The following PPP1R18 variants were observed in gnomAD, a reference collection of about 807,000 sequenced individuals.
The protein encoded by PPP1R18 is phostensin.
A neutral mutation model predicts 54.8 loss-of-function variants in PPP1R18; 31 were observed. The ratio of observed to expected loss-of-function variants is 0.57; its 90% confidence interval spans 0.43 to 0.76. The LOEUF is 0.76. Among genes scored for constraint, PPP1R18 ranks in the 30% least tolerant of loss-of-function variants. The probability of loss-of-function intolerance (pLI) is 0.00; values close to 1 mark genes in which losing one functional copy is unlikely to be tolerated. For synonymous variants in PPP1R18, 310 were observed against 320.2 expected (o/e 0.97, Z 0.34); for missense variants, 685 against 776.1 (o/e 0.88, Z 1.39).
intron 1 of PPP1R18, among the ~76,000 whole-genome samples, chr6:30,679,876 T>C (rs1770440779): frequency 6.6e-6 from 1 of 151,304 alleles, no homozygotes; most frequent in Non-Finnish European, 1.5e-5. Flanking sequence ...GGGGAGCGAG[T>C]CTCAGACAAA....
chr6:30,685,967 C>T lies in PPP1R18; in HGVS notation c.52G>A (p.Glu18Lys), dbSNP rs1263139967. Residue 18 changes from glutamate to lysine, a missense_variant, in exon 1 of 3, where the codon GAG becomes AAG. Physicochemically the swap from Glu to Lys is moderately conservative, Grantham distance 56 (BLOSUM62 1). Transcript: ENST00000274853. This position sits in a 1 kb window ranked among gnomAD's most constrained non-coding sequence, Gnocchi z 5.0. Reference protein sequence around the residue: ...KLQLLARRRQEEASVRGREKA... With the variant: ...KLQLLARRRQKEASVRGREKA... ...TCTCGGCCTCGAACGGACGCCTCCT[C>T]CTGCCGGCGCCGGGCTAGCAGCTGT... 1 of 1,598,430 alleles carries T rather than the reference C, an allele frequency of 6.3e-7. No individual in the cohort carries two copies. The highest frequency in any genetic ancestry group is 8.5e-7 in the Non-Finnish European group (1 of 1,176,956).
intron 1 of PPP1R18, among the ~76,000 whole-genome samples, chr6:30,680,094 G>A (rs1285397678): frequency 6.6e-6 from 1 of 152,178 alleles, no homozygotes; most frequent in Non-Finnish European, 1.5e-5. Flanking sequence ...CTGACACCCT[G>A]AAGGCTGGGG....
rs576997423 is a variant in PPP1R18 at position 30,683,053 on chromosome 6, G to A, written c.1611+1355C>T. On this transcript the variant is annotated intron_variant, in intron 1 of 2. Coordinates refer to ENST00000274853, the MANE Select transcript of PPP1R18 (RefSeq NM_133471.4). The surrounding 1 kb of genome is among the most constrained non-coding windows in gnomAD (Gnocchi z 5.1). ...GTAGGTTCCCAAGAACCATGGCTTA[G>A]AGGTGGGAGCTTACGCTTCATGTGA... 3.3e-5 allele frequency among the ~76,000 whole-genome samples: 5 copies of A among 152,336 alleles called. No individual in the cohort carries two copies. Among genetic ancestry groups the A allele is most frequent in the Non-Finnish European group, 5.9e-5 (4 of 68,028 alleles).
Position 30,677,351 on chromosome 6 carries a change from T to TC in PPP1R18, c.1823-64dup, listed in dbSNP as rs3214090. 6.2e-5 allele frequency: 87 copies of TC among 1,399,804 alleles called. 1 individual carries two copies. Among genetic ancestry groups the TC allele is most frequent in the African/African-American group, 1.9e-4 (13 of 67,060 alleles). The allele number at this position is 1,399,804 out of a possible 1,614,324, so 86.7% of individuals were successfully genotyped here. The stretch of plus-strand genomic sequence containing the variant: ...AGAGCCTCTGCCTTCTGCCCACCCT[T>TC]CCCCCCCACACAAATTGAAGGGCAG... On this transcript the variant is annotated intron_variant, in intron 2 of 2. Transcript: ENST00000274853.
rs751965710 is a variant in PPP1R18, at chr6:30,684,920, C to G, written c.1099G>C (p.Glu367Gln). The G allele has an allele frequency of 7.4e-6, 12 of 1,612,904 alleles. No homozygotes were observed. The highest frequency in any genetic ancestry group is 4.0e-5 in the African/African-American group (3 of 74,932). Residue 367 changes from glutamate (E) to glutamine (Q), a missense_variant, in exon 1 of 3, where the codon GAA (glutamate) becomes CAA (glutamine). By Grantham distance (29) the Glu-to-Gln change is conservative (BLOSUM62 2). Transcript: ENST00000274853. This position sits in a 1 kb window ranked among gnomAD's most constrained non-coding sequence, Gnocchi z 6.0. ...TCTCCAGCCTCCACACCGGGAGATT[C>G]CAGAAGCTTCTCTGCTGACTCTGGA... is the stretch of plus-strand genomic sequence containing the variant. ...EPPESAEKLL[E>Q]SPGVEAGEGE... is the part of the protein sequence containing the mutation.
intron 1 of PPP1R18, among the ~76,000 whole-genome samples, chr6:30,680,012 G>A (rs116693962): frequency 0.012 from 1,855 of 152,238 alleles, 20 homozygotes; most frequent in Middle Eastern, 0.031. Context: ...GGCCTAGGAA[G>A]AGATGGGAGA....
rs767802317 is a variant in PPP1R18 at position 30,684,395 on chromosome 6, G to C, written c.1611+13C>G. ...GTGGACTTCTAAGAAGTCTGGCTTG[G>C]CTGCTTCCCTACCTGTTTGTGGTGT... On this transcript the variant is annotated intron_variant, in intron 1 of 2. Coordinates refer to ENST00000274853, the MANE Select transcript of PPP1R18 (RefSeq NM_133471.4). The surrounding 1 kb of genome is among the most constrained non-coding windows in gnomAD (Gnocchi z 6.0). The C allele has an allele frequency of 6.5e-7, 1 of 1,527,798 alleles. No individual in the cohort carries two copies. The highest frequency in any genetic ancestry group is 1.4e-5 in the African/African-American group (1 of 72,258). 94.6% of individuals were successfully genotyped at this position (1,527,798 alleles called of 1,614,324 possible).
At position 30,686,462 on chromosome 6, in the gene PPP1R18, T is replaced by G; in HGVS notation, c.-444A>C. 4 of 173,516 alleles carry G rather than the reference T, an allele frequency of 2.3e-5. No individual in the cohort carries two copies. The highest frequency in any genetic ancestry group is 4.9e-5 in the Non-Finnish European group (4 of 81,994). The allele number at this position is 173,516 out of a possible 1,614,324, so 10.7% of individuals were successfully genotyped here. ...GGTGCAGGCCAGGCTGCCTCAGCGA[T>G]ACCCCAGGGAGGCTAGTGTGGGAAG... is the stretch of plus-strand genomic sequence containing the variant. On this transcript the variant is annotated 5_prime_UTR_variant, in exon 1 of 3. Coordinates refer to ENST00000274853, the MANE Select transcript of PPP1R18 (RefSeq NM_133471.4).
At position 30,684,768 on chromosome 6, in the gene PPP1R18, T is replaced by G; in HGVS notation, c.1251A>C (p.Glu417Asp). 6.3e-7 allele frequency: 1 copy of G among 1,595,040 alleles called. No homozygotes were observed. Among genetic ancestry groups the G allele is most frequent in the Non-Finnish European group, 8.5e-7 (1 of 1,170,566 alleles). The change falls in exon 1 of 3, where the codon GAA (glutamate) becomes GAC (aspartate). Residue 417 changes from glutamate to aspartate, a missense_variant. By Grantham distance (45) the Glu-to-Asp change is conservative (BLOSUM62 2). Transcript: ENST00000274853. This position sits in a 1 kb window ranked among gnomAD's most constrained non-coding sequence, Gnocchi z 6.0. ...GGGGCTGGAGCTCCACTGCTTCCTC[T>G]TCCTGCTGTCTCAGGCCTCCAGTCC... Reference protein sequence around the residue: ...DAGTGGLRQQEEEAVELQPPP... With the variant: ...DAGTGGLRQQDEEAVELQPPP...
chr6:30,678,611 T>C lies in PPP1R18; in HGVS notation c.1822+568A>G, dbSNP rs187057832. Among the ~76,000 whole-genome samples the C allele has an allele frequency of 8.9e-4, 135 of 151,842 alleles. 1 individual carries two copies. The highest frequency in any genetic ancestry group is 3.0e-3 in the African/African-American group (125 of 41,416). On this transcript the variant is annotated intron_variant, in intron 2 of 2. Transcript: ENST00000274853. Reference sequence around the variant, plus strand: ...GCCAGGATGGTCTCGATCTCCTGACTTCGTGATCCGCCCGCCTCGGCCTCC... The same window carrying C: ...GCCAGGATGGTCTCGATCTCCTGACCTCGTGATCCGCCCGCCTCGGCCTCC...
intron 1 of PPP1R18, among the ~76,000 whole-genome samples, chr6:30,681,246 TCAGGACCAGAA>T (rs1259209070): frequency 1.3e-5 from 2 of 151,740 alleles, no homozygotes; most frequent in Non-Finnish European, 1.5e-5. Flanking sequence ...CACTCCTACC[TCAGGACCAGAA>T]CAGTACTAGC....
intron 1 of PPP1R18, among the ~76,000 whole-genome samples, chr6:30,680,636 C>T (rs1361221337): frequency 6.6e-6 from 1 of 151,526 alleles, no homozygotes; most frequent in East Asian, 1.9e-4. Flanking sequence ...CGAGACCAGC[C>T]TGGGCAATAG....
In PPP1R18 at chr6:30,684,854, GCCTGC is replaced by G; in HGVS notation, c.1160_1164del (p.Gly387AlafsTer107). On this transcript the variant is annotated frameshift_variant, in exon 1 of 3. Transcript: ENST00000274853. LOFTEE classifies it high-confidence loss of function. This position sits in a 1 kb window ranked among gnomAD's most constrained non-coding sequence, Gnocchi z 6.0. ...CAGCAGTTCTGCAGGGCTCTCAGAG[GCCTGC>G]CCTGAGCCCCCGCCTCCTCCTTCTC... 6.2e-7 allele frequency: 1 copy of G among 1,612,800 alleles called. No individual in the cohort carries two copies. The highest frequency in any genetic ancestry group is 8.5e-7 in the Non-Finnish European group (1 of 1,179,974).
chr6:30,685,187 T>C lies in PPP1R18; in HGVS notation c.832A>G (p.Arg278Gly). The change falls in exon 1 of 3, where the codon AGA (arginine) becomes GGA (glycine). Residue 278 changes from arginine to glycine, a missense_variant. Arg to Gly is a moderately radical substitution (Grantham distance 125). Coordinates refer to ENST00000274853, the MANE Select transcript of PPP1R18 (RefSeq NM_133471.4). The surrounding 1 kb of genome is among the most constrained non-coding windows in gnomAD (Gnocchi z 5.0). ...ERQDYSEECG[R>G]KEEWPVPGVA... ...CCTGGAACTGGCCACTCTTCTTTTCTCCCACATTCTTCCGAGTAGTCTTGT... is the reference window on the plus strand; with the variant it reads ...CCTGGAACTGGCCACTCTTCTTTTCCCCCACATTCTTCCGAGTAGTCTTGT... 4.3e-6 allele frequency: 7 copies of C among 1,613,082 alleles called. No individual in the cohort carries two copies. The highest frequency in any genetic ancestry group is 5.9e-6 in the Non-Finnish European group (7 of 1,180,030).
In PPP1R18 at chr6:30,685,122, C is replaced by T; in HGVS notation, c.897G>A (p.Leu299=). The T allele has an allele frequency of 6.2e-7, 1 of 1,613,162 alleles. No individual in the cohort carries two copies. The highest frequency in any genetic ancestry group is 8.5e-7 in the Non-Finnish European group (1 of 1,180,024). ...PKETAELSET[L]TREAQGNSSA... is the part of the protein sequence containing the mutation. ...AACTGTTGCCTTGGGCCTCCCTTGT[C>T]AGGGTCTCGGACAGCTCTGCAGTCT... Residue 299 remains leucine, a synonymous_variant, in exon 1 of 3, where the codon CTG becomes CTA. Transcript: ENST00000274853. This position sits in a 1 kb window ranked among gnomAD's most constrained non-coding sequence, Gnocchi z 5.0.
Position 30,685,861 on chromosome 6 carries a change from A to G in PPP1R18, c.158T>C (p.Leu53Pro), listed in dbSNP as rs1010655811. 8.1e-6 allele frequency: 13 copies of G among 1,612,390 alleles called. 1 individual carries two copies. The highest frequency in any genetic ancestry group is 2.2e-5 in the South Asian group (2 of 91,086). The change falls in exon 1 of 3, where the codon CTG becomes CCG. Residue 53 changes from leucine to proline, a missense_variant. Transcript: ENST00000274853. This position sits in a 1 kb window ranked among gnomAD's most constrained non-coding sequence, Gnocchi z 5.0. ...LLERRRAKLG[L>P]SPGEPSPVLG... ...CACAGGGCTAGGCTCCCCAGGGGAC[A>G]GCCCAAGCTTGGCCCGGCGGCGCTC...
At chr6:30,681,466 G>A (rs1038458172) in intron 1 of PPP1R18, among the ~76,000 whole-genome samples, 40 of 152,060 alleles carry the variant, frequency 2.6e-4, no homozygotes, top group African/African-American at 8.9e-4. Flanking sequence ...CATGTCTGCT[G>A]TTGAAAGGAG....
intron 1 of PPP1R18, among the ~76,000 whole-genome samples, chr6:30,680,172 G>A (rs767374079): frequency 6.6e-6 from 1 of 152,142 alleles, no homozygotes; most frequent in African/African-American, 2.4e-5. Flanking sequence ...TGCCCAAAGG[G>A]ACAGGCACAG....
rs1366517730 is a variant in PPP1R18 at position 30,684,964 on chromosome 6, T to C, written c.1055A>G (p.Gln352Arg). The C allele has an allele frequency of 1.2e-6, 2 of 1,613,166 alleles. No individual in the cohort carries two copies. Among genetic ancestry groups the C allele is most frequent in the Non-Finnish European group, 8.5e-7 (1 of 1,180,018 alleles). ...CTCTGGAGGTTCTGGTTTCTGAGTT[T>C]GAGCCTCTATGTCCCTGGGTGTCCA... ...REWTPRDIEA[Q>R]TQKPEPPESA... The change falls in exon 1 of 3, where the codon CAA becomes CGA. Residue 352 changes from glutamine to arginine, a missense_variant. Transcript: ENST00000274853. The surrounding 1 kb of genome is among the most constrained non-coding windows in gnomAD (Gnocchi z 6.0).
Sources: gnomAD v4.1 joint callset for allele counts (sites outside exome capture counted in the v4.1 genomes callset) on GRCh38, gnomAD v4.1.1 for gene constraint, Gnocchi (gnomAD v3.1) non-coding constraint, MANE v1.5 for transcripts, NCBI Gene and HGNC (gene_info 2026-07-23, HGNC 2026-07-21) for gene names.